UNC5D: variants seen among roughly 807,000 people sequenced by gnomAD.
UNC5D encodes the protein netrin receptor UNC5D.
A neutral mutation model predicts 105.4 loss-of-function variants in UNC5D; 39 were observed. The ratio of observed to expected loss-of-function variants is 0.37; its 90% CI spans 0.29 to 0.48. The LOEUF (loss-of-function observed/expected upper bound fraction) is 0.48, where lower values mean the gene tolerates loss of function less well. Among genes scored for constraint, UNC5D ranks in the 20% least tolerant of loss-of-function variants. The probability of loss-of-function intolerance (pLI) is 0.98; values close to 1 mark genes in which losing one functional copy is unlikely to be tolerated. For missense variants in UNC5D, 991 were observed against 1,202.4 expected (o/e 0.82, Z 2.60); for synonymous variants, 452 against 450.4 (o/e 1.00, Z -0.04).
intron 1 of UNC5D, among the ~76,000 whole-genome samples, chr8:35,440,868 C>T (rs138216959): frequency 2.9e-4 from 44 of 151,948 alleles, no homozygotes; most frequent in Non-Finnish European, 5.7e-4. Flanking sequence ...TCATACATAC[C>T]GATCAGTGAT....
chr8:35,246,583 T>A (rs1207333453), intron 1 of UNC5D, among the ~76,000 whole-genome samples: 1 of 151,862 alleles, frequency 6.6e-6, no homozygotes, highest in Non-Finnish European at 1.5e-5. Flanking sequence ...GACTTCTTTC[T>A]TTTTTTTAGT....
chr8:35,259,805 C>T (rs539119186), intron 1 of UNC5D, among the ~76,000 whole-genome samples: 2 of 151,126 alleles, frequency 1.3e-5, no homozygotes, highest in East Asian at 3.9e-4. Context: ...TCCTGCGGGC[C>T]AGTGTATGTG....
chr8:35,446,798 G>A (rs1411752492), intron 1 of UNC5D, among the ~76,000 whole-genome samples: 1 of 152,072 alleles, frequency 6.6e-6, no homozygotes, highest in Non-Finnish European at 1.5e-5. Context: ...CTAACACAGT[G>A]ACTCTGATGG....
chr8:35,453,031 T>C (rs1808266679), intron 1 of UNC5D, among the ~76,000 whole-genome samples: 1 of 152,212 alleles, frequency 6.6e-6, no homozygotes, highest in Non-Finnish European at 1.5e-5. Flanking sequence ...AATGCATTTG[T>C]CCTGCAGGCT....
intron 1 of UNC5D, among the ~76,000 whole-genome samples, chr8:35,475,465 T>G (rs929411474): frequency 6.6e-6 from 1 of 152,202 alleles, no homozygotes; most frequent in Non-Finnish European, 1.5e-5. Context: ...TCTTGTGTAC[T>G]TGATGTGTGT....
At chr8:35,575,501 A>G (rs1333518266) in intron 3 of UNC5D, among the ~76,000 whole-genome samples, 2 of 152,166 alleles carry the variant, frequency 1.3e-5, no homozygotes, top group Non-Finnish European at 2.9e-5. Flanking sequence ...TAAAATGGGA[A>G]TGGAAGTTAG....
chr8:35,642,523 T>G (rs949438802), intron 4 of UNC5D, among the ~76,000 whole-genome samples: 1 of 151,986 alleles, frequency 6.6e-6, no homozygotes, highest in Admixed American at 6.6e-5. Flanking sequence ...AAGTTTACAC[T>G]CAGGCTTTAA....
chr8:35,493,359 C>G (rs1434558875), intron 1 of UNC5D, among the ~76,000 whole-genome samples: 1 of 148,314 alleles, frequency 6.7e-6, no homozygotes, highest in East Asian at 2.0e-4. Context: ...AGTCAAGCAT[C>G]TGTTCCTAGT....
At chr8:35,753,270 CT>C (rs56967992) in intron 13 of UNC5D, among the ~76,000 whole-genome samples, 11,298 of 151,350 alleles carry the variant, frequency 0.075, 1,137 homozygotes, top group African/African-American at 0.23. Flanking sequence ...AGAGATATTT[CT>C]TTTTTTTTGT....
intron 1 of UNC5D, among the ~76,000 whole-genome samples, chr8:35,520,068 A>G (rs1165245221): frequency 2.0e-5 from 3 of 152,006 alleles, no homozygotes; most frequent in Non-Finnish European, 4.4e-5. Context: ...CCTAGGTTAT[A>G]CTCTACCCAA....
intron 1 of UNC5D, among the ~76,000 whole-genome samples, chr8:35,357,825 T>C (rs1318546675): frequency 1.3e-5 from 2 of 152,140 alleles, no homozygotes; most frequent in African/African-American, 2.4e-5. Flanking sequence ...GAAATTTTCA[T>C]TGAGAACATG....
At chr8:35,734,844 G>A (rs1218773087) in intron 11 of UNC5D, among the ~76,000 whole-genome samples, 13 of 146,028 alleles carry the variant, frequency 8.9e-5, no homozygotes, top group Admixed American at 6.2e-4. Flanking sequence ...GTGCAATGGC[G>A]CCATCTTGGC....
At chr8:35,535,370 T>G (rs576881853) in intron 1 of UNC5D, among the ~76,000 whole-genome samples, 1 of 152,158 alleles carries the variant, frequency 6.6e-6, no homozygotes, top group Non-Finnish European at 1.5e-5. Context: ...TCAGTACAAT[T>G]AAGCTGATTA....
Position 35,793,158 on chromosome 8 carries a change from C to A in UNC5D, c.*2595C>A. 2.2e-6 allele frequency: 1 copy of A among 456,038 alleles called. No homozygotes were observed. The highest frequency in any genetic ancestry group is 1.6e-5 in the South Asian group (1 of 64,472). The allele number at this position is 456,038 out of a possible 1,614,324, so 28.2% of individuals were successfully genotyped here. ...GCTGCTAGGATCCTACATAGGATTT[C>A]TATAGAAATGTATGAAATTCTGTGG... On this transcript the variant is annotated 3_prime_UTR_variant, in exon 17 of 17. Transcript: ENST00000404895.
intron 1 of UNC5D, among the ~76,000 whole-genome samples, chr8:35,373,572 C>A (rs759007141): frequency 1.3e-5 from 2 of 152,042 alleles, no homozygotes; most frequent in East Asian, 3.9e-4. Flanking sequence ...ATCTCTGGTG[C>A]GATAAAGCTG....
At chr8:35,529,234 A>T (rs1488853050) in intron 1 of UNC5D, among the ~76,000 whole-genome samples, 6 of 97,044 alleles carry the variant, frequency 6.2e-5, no homozygotes, top group Admixed American at 2.2e-4. Context: ...TGTAAGGTGT[A>T]AGGAAGGGAT....
At chr8:35,365,596 A>G (rs1362939488) in intron 1 of UNC5D, among the ~76,000 whole-genome samples, 1 of 142,972 alleles carries the variant, frequency 7.0e-6, no homozygotes, top group African/African-American at 2.8e-5. Flanking sequence ...CCCTGCAAAA[A>G]AAAAAAAAAA....
chr8:35,603,664 T>A (rs1033744333), intron 4 of UNC5D, among the ~76,000 whole-genome samples: 3 of 152,282 alleles, frequency 2.0e-5, no homozygotes, highest in Admixed American at 6.5e-5. Flanking sequence ...CCCATTATTA[T>A]TGTGTGGGAG....
rs560426096 is a variant in UNC5D, at chr8:35,679,991, A to G, written c.571-3556A>G. 4.0e-3 allele frequency among the ~76,000 whole-genome samples: 608 copies of G among 152,240 alleles called. 2 individuals carry two copies. Among genetic ancestry groups the G allele is most frequent in the Middle Eastern group, 6.8e-3 (2 of 294 alleles). On this transcript the variant is annotated intron_variant, in intron 4 of 16. Coordinates refer to ENST00000404895, the MANE Select transcript of UNC5D (RefSeq NM_080872.4). ...ATGAGGCTGAGCAGGCAAATATTCG[A>G]GGTCAGATCTCTCATCTTGTTGTGA... is the stretch of plus-strand genomic sequence containing the variant.
Sources: allele counts gnomAD v4.1 joint callset (sites outside exome capture counted in the v4.1 genomes callset), GRCh38; gene constraint gnomAD v4.1.1; transcripts MANE v1.5; gene names NCBI Gene and HGNC (gene_info 2026-07-23, HGNC 2026-07-21).